Variants in TMEM67 observed in about 807,000 individuals in gnomAD.
TMEM67 encodes transmembrane protein 67.
A neutral mutation model predicts 136.6 loss-of-function variants in TMEM67; 124 were observed. The ratio of observed to expected loss-of-function variants is 0.91; its 90% CI spans 0.78 to 1.05. TMEM67 has a LOEUF of 1.05. TMEM67 is among the 50% of genes least tolerant of loss of function. TMEM67 has a pLI of 0.00. For missense variants in TMEM67, 1,107 were observed against 1,178.4 expected, an observed-to-expected ratio of 0.94 and a Z score of 0.89; for synonymous variants, 364 against 390.5, an observed-to-expected ratio of 0.93 and a Z score of 0.80.
At chr8:93,781,137 T>C (rs1246610935) in intron 9 of TMEM67, among the ~76,000 whole-genome samples, 155 bp downstream of exon 9, 1 of 152,228 alleles carries the variant, frequency 6.6e-6, no homozygotes, top group Non-Finnish European at 1.5e-5. Flanking sequence ...CTAAATAGTA[T>C]AGAGTTTAGC....
intron 26 of TMEM67, among the ~76,000 whole-genome samples, chr8:93,812,120 A>G (rs1485698497): frequency 2.0e-5 from 3 of 151,136 alleles, no homozygotes; most frequent in African/African-American, 4.9e-5. Flanking sequence ...TTGCACTCCA[A>G]CCTGGGCAAC....
chr8:93,826,943 C>G, the TMEM67 span, among the ~76,000 whole-genome samples: 1 of 152,186 alleles, frequency 6.6e-6, no homozygotes. Context: ...AATTCTCCTT[C>G]GTCAGCCTCC....
intron 15 of TMEM67, 129 bp from the exon 16 acceptor site, chr8:93,793,069 C>A (rs1814455711): frequency 2.5e-6 from 2 of 815,768 alleles, no homozygotes; most frequent in South Asian, 2.9e-5. Flanking sequence ...CTGTGCCCGG[C>A]TGACTCCTGT....
chr8:93,796,034 A>T (rs1035065290), intron 18 of TMEM67, 47 bp downstream of exon 18: 3 of 1,186,358 alleles, frequency 2.5e-6, no homozygotes, highest in Non-Finnish European at 3.8e-6. Flanking sequence ...CCTGCTAATG[A>T]ACTAACAAGT....
chr8:93,793,471 C>T (rs1339159658), intron 16 of TMEM67, among the ~76,000 whole-genome samples, 175 bp downstream of exon 16: 1 of 152,120 alleles, frequency 6.6e-6, no homozygotes, highest in Non-Finnish European at 1.5e-5. Flanking sequence ...TTCTTCCCAC[C>T]ATACTGTATG....
chr8:93,767,771 G>T (rs1586019485), intron 6 of TMEM67, among the ~76,000 whole-genome samples: 5 of 128,964 alleles, frequency 3.9e-5, no homozygotes, highest in Admixed American at 1.6e-4. Flanking sequence ...TTGAACATTT[G>T]CTTACTTTAT....
At chr8:93,774,480 T>A (rs1813454692) in intron 7 of TMEM67, among the ~76,000 whole-genome samples, 1 of 152,164 alleles carries the variant, frequency 6.6e-6, no homozygotes, top group Non-Finnish European at 1.5e-5. Flanking sequence ...TCATTTACAT[T>A]AGGTATTTAT....
At chr8:93,806,113 C>A (rs536222995) in intron 23 of TMEM67, among the ~76,000 whole-genome samples, 1 of 152,210 alleles carries the variant, frequency 6.6e-6, no homozygotes, top group African/African-American at 2.4e-5. Flanking sequence ...TAGGCTGCCT[C>A]ACAGGATAAA....
chr8:93,766,724 G>A (rs1813098505), intron 6 of TMEM67, among the ~76,000 whole-genome samples: 1 of 152,094 alleles, frequency 6.6e-6, no homozygotes, highest in Non-Finnish European at 1.5e-5. Flanking sequence ...TGTGAGGATA[G>A]CAATGATGAG....
intron 7 of TMEM67, among the ~76,000 whole-genome samples, chr8:93,777,083 G>A (rs144263390): frequency 0.011 from 1,656 of 152,110 alleles, 31 homozygotes; most frequent in Non-Finnish European, 0.011. Flanking sequence ...GTCTTGGGAG[G>A]GTGTATGTGT....
chr8:93,809,569 T>C, intron 25 of TMEM67, among the ~76,000 whole-genome samples: 1 of 152,220 alleles, frequency 6.6e-6, no homozygotes, highest in East Asian at 1.9e-4. Flanking sequence ...TTTCACTATA[T>C]CTAGCCCTAA....
intron 15 of TMEM67, among the ~76,000 whole-genome samples, chr8:93,792,188 T>G (rs1019364490): frequency 6.6e-6 from 1 of 151,246 alleles, no homozygotes; most frequent in Non-Finnish European, 1.5e-5. Flanking sequence ...TTTATTTTAT[T>G]TTAAATGGAG....
At position 93,763,954 on chromosome 8, in the gene TMEM67, A is replaced by T. The variant is rs2130577066; in HGVS notation, c.506+13A>T. On this transcript the variant is annotated intron_variant, in intron 4 of 27. Transcript: ENST00000453321. ...CTTTAGGAGACAGGTAAGCAGTGTG[A>T]TGGGGGCTAACTTCATTAATATCAT... is the stretch of plus-strand genomic sequence containing the variant. The T allele has an allele frequency of 6.7e-7, 1 of 1,500,312 alleles. No individual in the cohort carries two copies. Among genetic ancestry groups the T allele is most frequent in the Non-Finnish European group, 9.3e-7 (1 of 1,076,602 alleles). 92.9% of individuals were successfully genotyped at this position (1,500,312 alleles called of 1,614,324 possible).
At position 93,802,374 on chromosome 8, in the gene TMEM67, T is replaced by A. The variant is rs550828217; in HGVS notation, c.2242-1230T>A. 2.4e-4 allele frequency among the ~76,000 whole-genome samples: 36 copies of A among 152,330 alleles called. 2 individuals are homozygous for A. The South Asian group carries it at 3.7e-3, about 16-fold the overall frequency. On this transcript the variant is annotated intron_variant, in intron 21 of 27. Coordinates refer to ENST00000453321, the MANE Select transcript of TMEM67 (RefSeq NM_153704.6). ...ATGGCCACACCTAGCTGCACTAGAC[T>A]CTTTCAGCTGGGCAGCAGTATATCC... is the stretch of plus-strand genomic sequence containing the variant.
At chr8:93,780,253 A>G (rs1813751840) in intron 7 of TMEM67, among the ~76,000 whole-genome samples, 2 of 151,520 alleles carry the variant, frequency 1.3e-5, no homozygotes, top group Non-Finnish European at 2.9e-5. Context: ...GAGGTGTCCC[A>G]TTTTTCCAGG....
At position 93,802,512 on chromosome 8, in the gene TMEM67, G is replaced by A. The variant is rs117841902; in HGVS notation, c.2242-1092G>A. On this transcript the variant is annotated intron_variant, in intron 21 of 27. Transcript: ENST00000453321. Reference sequence around the variant, plus strand: ...TTGCTTCTCACTTTGCCATTAGCTGGATAGTAAAGCATTTCTCTCCATGGT... The same window carrying A: ...TTGCTTCTCACTTTGCCATTAGCTGAATAGTAAAGCATTTCTCTCCATGGT... Among the ~76,000 whole-genome samples, 1,188 of 152,258 alleles carry A rather than the reference G, an allele frequency of 7.8e-3. 13 individuals are homozygous for A. The highest frequency in any genetic ancestry group is 0.011 in the Non-Finnish European group (765 of 68,012).
downstream of TMEM67, among the ~76,000 whole-genome samples, chr8:93,824,155 A>C (rs1406668561): frequency 1.3e-5 from 2 of 152,274 alleles, no homozygotes; most frequent in Admixed American, 1.3e-4. Context: ...TTTAAAATGA[A>C]TAATAGAGCT....
rs116711651 is a variant in TMEM67 at position 93,796,291 on chromosome 8, A to G, written c.1860+304A>G. Among the ~76,000 whole-genome samples the G allele has an allele frequency of 1.7e-3, 263 of 152,332 alleles. 1 individual carries two copies. The highest frequency in any genetic ancestry group is 6.0e-3 in the African/African-American group (251 of 41,578). On this transcript the variant is annotated intron_variant, in intron 18 of 27. Coordinates refer to ENST00000453321, the MANE Select transcript of TMEM67 (RefSeq NM_153704.6). ...ATTCACAATGGGACAAAATGTCTTC[A>G]GGCATGAATTTTGTCTCCATTAATC...
downstream of TMEM67, among the ~76,000 whole-genome samples, chr8:93,822,405 C>T (rs993657131): frequency 3.3e-5 from 5 of 152,196 alleles, no homozygotes; most frequent in Non-Finnish European, 7.3e-5. Context: ...TGAGGGGATT[C>T]GCGTTAATCT....
Sources: allele counts gnomAD v4.1 joint callset (sites outside exome capture counted in the v4.1 genomes callset), GRCh38; gene constraint gnomAD v4.1.1; transcripts MANE v1.5; gene names NCBI Gene and HGNC (gene_info 2026-07-23, HGNC 2026-07-21).